Variants in CCAR2 observed in about 807,000 individuals in gnomAD.
The protein encoded by CCAR2 is cell cycle and apoptosis regulator protein 2.
CCAR2 carries 21 observed loss-of-function variants against 108.1 expected under a neutral mutation model. That is an observed-to-expected ratio of 0.19 (90% CI 0.14 to 0.28). The LOEUF (loss-of-function observed/expected upper bound fraction) is 0.28, where lower values mean the gene tolerates loss of function less well. CCAR2 is among the 10% of genes least tolerant of loss of function. The pLI is 1.00. For synonymous variants in CCAR2, 577 were observed against 472.8 expected (o/e 1.22, Z -2.86); for missense variants, 1,126 against 1,177.0 (o/e 0.96, Z 0.63).
At chr8:22,612,574 T>C (rs1396658607) in intron 7 of CCAR2, 1 of 152,662 alleles carries the variant, frequency 6.6e-6, no homozygotes, top group Non-Finnish European at 1.5e-5. Flanking sequence ...CCAAATTTAC[T>C]TTAAAGGACG....
At chr8:22,617,354 A>G (rs987597027) in intron 14 of CCAR2, 66 bp from the exon 15 acceptor site, 1 of 1,507,956 alleles carries the variant, frequency 6.6e-7, no homozygotes, top group African/African-American at 1.4e-5. Context: ...GGTGTCAGCC[A>G]TGCTTACTAT....
At chr8:22,617,804 G>A (rs1300794650) in intron 16 of CCAR2, 26 bp downstream of exon 16, 2 of 1,609,560 alleles carry the variant, frequency 1.2e-6, no homozygotes, top group Non-Finnish European at 1.7e-6. Context: ...GACCACTCTG[G>A]GTCTCAGTGG....
In CCAR2 at chr8:22,618,473, G is replaced by A. The variant is rs779469310; in HGVS notation, c.2198G>A (p.Gly733Glu). 6.2e-7 allele frequency: 1 copy of A among 1,614,172 alleles called. No individual in the cohort carries two copies. Among genetic ancestry groups the A allele is most frequent in the South Asian group, 1.1e-5 (1 of 91,086 alleles). The part of the protein sequence containing the change: ...RDLERILLTL[G>E]IRLSAEQAKQ... The stretch of plus-strand genomic sequence containing the variant: ...TTAGAGAGGATCCTCCTTACCCTTG[G>A]GATCCGGCTCAGTGCAGAGCAGGTA... Residue 733 changes from glycine to glutamate, a missense_variant, in exon 17 of 21, where the codon GGG becomes GAG. This residue lies in a region of CCAR2 where 1,013 missense variants were observed against 993.9 expected (regional missense o/e 1.02). Coordinates refer to ENST00000308511, the MANE Select transcript of CCAR2 (RefSeq NM_001393997.1).
Position 22,606,132 on chromosome 8 carries a change from C to T in CCAR2, c.106C>T (p.Pro36Ser). ...GGGCCCTCCTCCTGGTTTGCTCACT[C>T]CTCCTGTGGCCACAGAACTGTCCCA... is the stretch of plus-strand genomic sequence containing the variant. ...LLGPPPGLLT[P>S]PVATELSQNA... Residue 36 changes from proline (P) to serine (S), a missense_variant, in exon 3 of 21, where the codon CCT (proline) becomes TCT (serine). By Grantham distance (74) the Pro-to-Ser change is moderately conservative. Transcript: ENST00000308511. The T allele has an allele frequency of 6.2e-7, 1 of 1,614,158 alleles. No individual in the cohort carries two copies. The highest frequency in any genetic ancestry group is 8.5e-7 in the Non-Finnish European group (1 of 1,180,000).
At chr8:22,614,741 C>CCTGCTGCCTTCATCCTGATGGG in intron 10 of CCAR2, 97 bp from the exon 11 acceptor site, 1 of 793,362 alleles carries the variant, frequency 1.3e-6, no homozygotes, top group Non-Finnish European at 1.8e-6. Flanking sequence ...TTCCCCACTT[C>CCTGCTGCCTTCATCCTGATGGG]CGGCTGCCTT....
intron 7 of CCAR2, 116 bp from the exon 8 acceptor site, chr8:22,612,900 CT>C: frequency 2.6e-6 from 3 of 1,139,252 alleles, no homozygotes; most frequent in Non-Finnish European, 2.5e-6. Flanking sequence ...AGCATGGATT[CT>C]TTTTCCATTT....
Position 22,614,276 on chromosome 8 carries a change from C to G in CCAR2, c.889C>G (p.Pro297Ala). Residue 297 changes from proline (P) to alanine (A), a missense_variant, in exon 9 of 21, where the codon CCC becomes GCC. Physicochemically the swap from Pro to Ala is conservative, Grantham distance 27. Transcript: ENST00000308511. ...KEAAPDAGAE[P>A]ITADSDPAYS... ...GGCAGCTCCAGACGCTGGTGCTGAG[C>G]CCATCACTGCAGACAGTGACCCCGC... The G allele has an allele frequency of 3.7e-6, 6 of 1,614,094 alleles. No individual in the cohort carries two copies. The highest frequency in any genetic ancestry group is 5.1e-6 in the Non-Finnish European group (6 of 1,180,028).
rs1243149491 is a variant in CCAR2, at chr8:22,620,056, A to ATGTC, written c.*375_*378dup. 4 of 249,490 alleles carry ATGTC rather than the reference A, an allele frequency of 1.6e-5. No homozygotes were observed. The highest frequency in any genetic ancestry group is 4.8e-5 in the Admixed American group (1 of 20,896). 15.5% of individuals were successfully genotyped at this position (249,490 alleles called of 1,614,324 possible). ...CTTTTCGAGTGTGGGACAAGGTCTG[A>ATGTC]TGTCAGTGAACGGAACTGAAGAGCA... On this transcript the variant is annotated 3_prime_UTR_variant, in exon 21 of 21. Transcript: ENST00000308511.
chr8:22,618,558 C>G (rs1044045608), intron 17 of CCAR2, 59 bp from the exon 18 acceptor site: 11 of 1,613,860 alleles, frequency 6.8e-6, no homozygotes, highest in Non-Finnish European at 9.3e-6. Flanking sequence ...GCTCTAGGTT[C>G]CCGCCCATGG....
downstream of CCAR2, chr8:22,621,480 C>T (rs757867694): frequency 5.1e-5 from 83 of 1,613,768 alleles, no homozygotes; most frequent in East Asian, 1.6e-4. Flanking sequence ...CTCGTTCTCC[C>T]GCTCCCGCTG....
chr8:22,614,580 T>A (rs1304233899), intron 10 of CCAR2, 77 bp downstream of exon 10: 1 of 1,320,374 alleles, frequency 7.6e-7, no homozygotes, highest in Non-Finnish European at 1.1e-6. Flanking sequence ...GTTCGGCTCC[T>A]GTTCCTGAAT....
chr8:22,621,181 A>G (rs1328983380), downstream of CCAR2: 5 of 534,914 alleles, frequency 9.3e-6, no homozygotes, highest in African/African-American at 5.7e-5. Context: ...ACGGTTCTCC[A>G]AATAAAAAAG....
At chr8:22,607,668 A>G (rs964835262) in intron 6 of CCAR2, among the ~76,000 whole-genome samples, 1 of 151,684 alleles carries the variant, frequency 6.6e-6, no homozygotes, top group Middle Eastern at 3.4e-3. Flanking sequence ...TCTGTCACCC[A>G]GGCTAGAGTA....
At chr8:22,606,872 C>T in intron 4 of CCAR2, 38 bp from the exon 5 acceptor site, 1 of 1,603,160 alleles carries the variant, frequency 6.2e-7, no homozygotes, top group Non-Finnish European at 8.5e-7. Flanking sequence ...GGCCAGGGTC[C>T]CTCTTCTGAT....
chr8:22,613,224 T>C, intron 8 of CCAR2, 88 bp downstream of exon 8: 1 of 1,329,344 alleles, frequency 7.5e-7, no homozygotes, highest in Non-Finnish European at 9.8e-7. Flanking sequence ...AGTGCACATG[T>C]ATGTTCTTAC....
In CCAR2 at chr8:22,619,863, G is replaced by T; in HGVS notation, c.*181G>T. ...GGCTGGGGGCTGTGCTATGTGGGAT[G>T]GATGTGTGAGGAACCCCGGTTCCAC... On this transcript the variant is annotated 3_prime_UTR_variant, in exon 21 of 21. Coordinates refer to ENST00000308511, the MANE Select transcript of CCAR2 (RefSeq NM_001393997.1). 1.6e-6 allele frequency: 1 copy of T among 616,376 alleles called. No homozygotes were observed. The highest frequency in any genetic ancestry group is 2.9e-6 in the Non-Finnish European group (1 of 348,724). The allele number at this position is 616,376 out of a possible 1,614,324, so 38.2% of individuals were successfully genotyped here. A position where few individuals can be genotyped will look rare whatever the true frequency, so the allele number is the denominator to read the frequency against.
At chr8:22,605,686 G>C in intron 1 of CCAR2, 50 bp from the exon 2 acceptor site, 1 of 1,124,806 alleles carries the variant, frequency 8.9e-7, no homozygotes, top group Admixed American at 2.0e-5. Context: ...TCCGGGTATA[G>C]ATGGAAATTT....
intron 11 of CCAR2, 86 bp from the exon 12 acceptor site, chr8:22,615,339 C>A: frequency 6.7e-7 from 1 of 1,493,496 alleles, no homozygotes; most frequent in Non-Finnish European, 9.1e-7. Context: ...TGAGTGCTGA[C>A]TGGAAACTGA....
At position 22,617,915 on chromosome 8, in the gene CCAR2, C is replaced by A. The variant is rs1801590344; in HGVS notation, c.2073+137C>A. ...CCAACACACAGTGTGGTCCTTGGCT[C>A]ATGGAAGGGCACGTTCATAGGCTCC... On this transcript the variant is annotated intron_variant, in intron 16 of 20. Coordinates refer to ENST00000308511, the MANE Select transcript of CCAR2 (RefSeq NM_001393997.1). 11 of 826,516 alleles carry A rather than the reference C, an allele frequency of 1.3e-5. 1 individual carries two copies. Among genetic ancestry groups the A allele is most frequent in the South Asian group, 4.9e-5 (3 of 61,352 alleles). 51.2% of individuals were successfully genotyped at this position (826,516 alleles called of 1,614,324 possible).
Sources: gnomAD v4.1 joint callset for allele counts (sites outside exome capture counted in the v4.1 genomes callset) on GRCh38, gnomAD v4.1.1 for gene constraint, gnomAD v4.1.1 regional missense constraint, MANE v1.5 for transcripts, NCBI Gene and HGNC (gene_info 2026-07-23, HGNC 2026-07-21) for gene names.